Variants in CC2D2B observed in about 807,000 individuals in gnomAD.
CC2D2B encodes coiled-coil and C2 domain containing 2B.
A neutral mutation model predicts 161.2 loss-of-function variants in CC2D2B; 128 were observed. That is an observed-to-expected ratio of 0.79 (90% CI 0.69 to 0.92). The LOEUF (loss-of-function observed/expected upper bound fraction) is 0.92, where lower values mean the gene tolerates loss of function less well. Among genes scored for constraint, CC2D2B ranks in the 40% least tolerant of loss-of-function variants. The probability of loss-of-function intolerance (pLI) is 0.00; values close to 1 mark genes in which losing one functional copy is unlikely to be tolerated. For missense variants in CC2D2B, 1,173 were observed against 1,375.1 expected (o/e 0.85, Z 2.32); for synonymous variants, 391 against 449.8 (o/e 0.87, Z 1.65).
intron 3 of CC2D2B, among the ~76,000 whole-genome samples, 164 bp from the exon 4 acceptor site, chr10:95,924,150 T>C (rs74503287): frequency 0.01 from 1,580 of 152,358 alleles, 16 homozygotes; most frequent in Non-Finnish European, 0.017. Context: ...GACATCTATT[T>C]GTCTTAGATT....
Position 95,961,876 on chromosome 10 carries a change from T to C in CC2D2B, c.1157T>C (p.Leu386Pro). ...YDLERGKDLSLLHSILRTWKQ... is the reference protein window; with the variant it reads ...YDLERGKDLSPLHSILRTWKQ... ...TTAGAAAGGGGAAAGGACCTCTCCC[T>C]ACTACACAGTATATTACGAACTTGG... Residue 386 changes from leucine to proline, a missense_variant, in exon 12 of 35, where the codon CTA becomes CCA. Leu to Pro is a moderately conservative substitution (Grantham distance 98). Coordinates refer to ENST00000646931, the MANE Select transcript of CC2D2B (RefSeq NM_001349008.3). 1 of 1,231,140 alleles carries C rather than the reference T, an allele frequency of 8.1e-7. No individual in the cohort carries two copies. Among genetic ancestry groups the C allele is most frequent in the Non-Finnish European group, 1.0e-6 (1 of 987,158 alleles). 76.3% of individuals were successfully genotyped at this position (1,231,140 alleles called of 1,614,324 possible).
At chr10:95,921,904 C>T (rs766944992) in intron 2 of CC2D2B, 112 bp from the exon 3 acceptor site, 67 of 575,784 alleles carry the variant, frequency 1.2e-4, no homozygotes, top group Non-Finnish European at 2.4e-5. Flanking sequence ...ATGTAACAAA[C>T]CTGCATGTTG....
intron 1 of CC2D2B, among the ~76,000 whole-genome samples, chr10:95,910,605 A>G (rs1479962967): frequency 1.3e-5 from 2 of 152,196 alleles, no homozygotes; most frequent in African/African-American, 4.8e-5. Context: ...ACCTGGCCAC[A>G]TGTCCATTAT....
chr10:96,013,862 A>G lies in CC2D2B; in HGVS notation c.3501A>G (p.Ile1167Met). The change falls in exon 29 of 35, where the codon ATA becomes ATG. Residue 1167 changes from isoleucine (I) to methionine (M), a missense_variant. This residue lies in a region of CC2D2B where 598 missense variants were observed against 693.2 expected (regional missense o/e 0.86). Transcript: ENST00000646931. The part of the protein sequence containing the change: ...NTPDENDGSD[I>M]WMTSEHCISL... ...CAGATGAAAATGATGGCTCTGATAT[A>G]TGGATGACATCAGAGGTAATAAATT... is the stretch of plus-strand genomic sequence containing the variant. The G allele has an allele frequency of 6.4e-7, 1 of 1,574,542 alleles. No homozygotes were observed. The highest frequency in any genetic ancestry group is 1.1e-5 in the South Asian group (1 of 87,560).
chr10:95,928,072 C>T (rs1331291335), intron 6 of CC2D2B, among the ~76,000 whole-genome samples: 1 of 152,132 alleles, frequency 6.6e-6, no homozygotes, highest in Non-Finnish European at 1.5e-5. Flanking sequence ...TCTTTTGACA[C>T]CTCTTGGTCC....
chr10:95,933,779 A>G (rs537322712), intron 6 of CC2D2B, among the ~76,000 whole-genome samples: 23 of 152,260 alleles, frequency 1.5e-4, no homozygotes, highest in African/African-American at 5.1e-4. Flanking sequence ...GGCACCCATC[A>G]GATGCCAGCG....
At chr10:96,025,154 A>AAAAAAT (rs1491259451) in intron 33 of CC2D2B, among the ~76,000 whole-genome samples, 1 of 20,084 alleles carries the variant, frequency 5.0e-5, no homozygotes, top group East Asian at 3.6e-3. Flanking sequence ...ACTAAAAAAA[A>AAAAAAT]ATATATATAT....
intron 12 of CC2D2B, among the ~76,000 whole-genome samples, chr10:95,964,025 G>A (rs996663060): frequency 8.5e-5 from 13 of 152,148 alleles, no homozygotes; most frequent in African/African-American, 3.1e-4. Context: ...AAATAACACA[G>A]AGAATCCAGA....
At chr10:96,015,458 A>T (rs999048707) in intron 29 of CC2D2B, among the ~76,000 whole-genome samples, 18 of 117,422 alleles carry the variant, frequency 1.5e-4, no homozygotes, top group African/African-American at 5.7e-4. Flanking sequence ...TCTTTGCTAG[A>T]GTTTGTTTTT....
chr10:95,983,497 T>C (rs887973404), intron 18 of CC2D2B, 109 bp from the exon 19 acceptor site: 1 of 436,128 alleles, frequency 2.3e-6, no homozygotes, highest in African/African-American at 2.0e-5. Flanking sequence ...GTTGTTCCAT[T>C]TCCTACTTAT....
At chr10:95,909,690 C>T (rs1031575415) in intron 1 of CC2D2B, among the ~76,000 whole-genome samples, 1 of 152,162 alleles carries the variant, frequency 6.6e-6, no homozygotes, top group Non-Finnish European at 1.5e-5. Context: ...CATTGTGTAA[C>T]CATTTCCACA....
At chr10:95,981,549 TTTTGCTTAAG>T (rs2077531563) in intron 17 of CC2D2B, among the ~76,000 whole-genome samples, 1 of 152,178 alleles carries the variant, frequency 6.6e-6, no homozygotes, top group African/African-American at 2.4e-5. Flanking sequence ...GCTTTCTTAA[TTTTGCTTAAG>T]TGAATATTTT....
chr10:95,998,098 T>A (rs1038735146), intron 24 of CC2D2B, among the ~76,000 whole-genome samples: 1 of 152,228 alleles, frequency 6.6e-6, no homozygotes, highest in African/African-American at 2.4e-5. Context: ...CAATTTTTTT[T>A]AAATTAAGAG....
intron 26 of CC2D2B, among the ~76,000 whole-genome samples, chr10:96,010,795 A>G (rs574764791): frequency 6.6e-6 from 1 of 152,342 alleles, no homozygotes; most frequent in Admixed American, 6.5e-5. Flanking sequence ...AAATTGGTCA[A>G]GCAAATAAGG....
rs746124452 is a variant in CC2D2B, at chr10:96,016,175, T to C, written c.3517-26T>C. The stretch of plus-strand genomic sequence containing the variant: ...ACTTTCCCGCACTTTTCTTTTTTTG[T>C]TCCTATTGCTTTTGTTTTGTCTTAG... On this transcript the variant is annotated intron_variant, in intron 29 of 34. Transcript: ENST00000646931. 6 of 1,511,808 alleles carry C rather than the reference T, an allele frequency of 4.0e-6. No homozygotes were observed. In the Admixed American group the frequency reaches 1.0e-4, roughly 26 times the overall value. 93.6% of individuals were successfully genotyped at this position (1,511,808 alleles called of 1,614,324 possible). A position where few individuals can be genotyped will look rare whatever the true frequency, so the allele number is the denominator to read the frequency against.
At chr10:96,027,993 G>A (rs955154613) in intron 34 of CC2D2B, among the ~76,000 whole-genome samples, 2 of 152,116 alleles carry the variant, frequency 1.3e-5, no homozygotes, top group African/African-American at 4.8e-5. Flanking sequence ...AATCAAGCTG[G>A]ACTAAAGAGT....
At chr10:96,021,818 G>A (rs1412602001) in intron 32 of CC2D2B, among the ~76,000 whole-genome samples, 2 of 152,228 alleles carry the variant, frequency 1.3e-5, no homozygotes, top group African/African-American at 4.8e-5. Context: ...AAGTCTGTCT[G>A]TAGTATCTTA....
chr10:95,965,822 T>TGTGTGTTG, intron 12 of CC2D2B, 74 bp from the exon 13 acceptor site: 1 of 418,448 alleles, frequency 2.4e-6, no homozygotes, highest in Non-Finnish European at 3.9e-6. Context: ...TGTGTGTGTG[T>TGTGTGTTG]TGGCAAAATC....
intron 14 of CC2D2B, among the ~76,000 whole-genome samples, chr10:95,967,909 A>C (rs1180859672): frequency 6.6e-6 from 1 of 152,168 alleles, no homozygotes; most frequent in Non-Finnish European, 1.5e-5. Context: ...TTATGTTTCA[A>C]CTTAGGGTTT....
Sources: allele counts gnomAD v4.1 joint callset (sites outside exome capture counted in the v4.1 genomes callset), GRCh38; gene constraint gnomAD v4.1.1; regional missense constraint gnomAD v4.1.1; transcripts MANE v1.5; gene names NCBI Gene and HGNC (gene_info 2026-07-23, HGNC 2026-07-21).